PMM2: variants seen among roughly 807,000 people sequenced by gnomAD.
PMM2 encodes mannose-6-phosphate isomerase.
PMM2 carries 35 observed loss-of-function variants against 33.2 expected under a neutral mutation model. The observed-to-expected ratio is 1.06, with a 90% CI of 0.81 to 1.40. The LOEUF (loss-of-function observed/expected upper bound fraction) is 1.40, where lower values mean the gene tolerates loss of function less well. Among genes scored for constraint, PMM2 ranks in the 40% most tolerant of loss-of-function variants. The pLI is 0.00. For synonymous variants in PMM2, 153 were observed against 114.7 expected (o/e 1.33, Z -2.13); for missense variants, 386 against 306.0 (o/e 1.26, Z -1.95).
intron 6 of PMM2, among the ~76,000 whole-genome samples, chr16:8,812,556 T>C (rs1187345115): frequency 6.6e-6 from 1 of 152,220 alleles, no homozygotes; most frequent in Non-Finnish European, 1.5e-5. Context: ...GCACTGCCTG[T>C]AAATCACCTT....
intron 7 of PMM2, among the ~76,000 whole-genome samples, chr16:8,846,426 C>T (rs2060925884): frequency 6.6e-6 from 1 of 151,930 alleles, no homozygotes; most frequent in Non-Finnish European, 1.5e-5. Flanking sequence ...AGTGATTATC[C>T]AATTTTATGA....
At chr16:8,826,343 C>A (rs186069009) in intron 7 of PMM2, among the ~76,000 whole-genome samples, 1 of 152,104 alleles carries the variant, frequency 6.6e-6, no homozygotes, top group East Asian at 1.9e-4. Context: ...TAATTACATA[C>A]CAAGTGCAGA....
chr16:8,844,717 G>A (rs970727358), intron 7 of PMM2, among the ~76,000 whole-genome samples: 7 of 152,286 alleles, frequency 4.6e-5, no homozygotes, highest in Admixed American at 2.6e-4. Context: ...GACCGGCGCC[G>A]GTTTTTTGGG....
intron 2 of PMM2, among the ~76,000 whole-genome samples, chr16:8,802,848 A>T (rs757021073): frequency 6.9e-6 from 1 of 144,088 alleles, no homozygotes; most frequent in Non-Finnish European, 1.5e-5. Flanking sequence ...AAAAAAAATT[A>T]TAAGTGGAGA....
intron 6 of PMM2, 36 bp downstream of exon 6, chr16:8,811,749 A>G (rs752313167): frequency 7.1e-7 from 1 of 1,407,292 alleles, no homozygotes; most frequent in East Asian, 2.3e-5. Flanking sequence ...AAACTTGGAT[A>G]CCCATTTCCC....
intron 4 of PMM2, chr16:8,807,989 T>G (rs140572749): frequency 2.0e-5 from 3 of 152,322 alleles, no homozygotes; most frequent in African/African-American, 7.2e-5. Flanking sequence ...TTCTTTGAAA[T>G]CCTTCTCATT....
At chr16:8,809,168 CAT>C (rs1204302592) in intron 4 of PMM2, 1 of 152,200 alleles carries the variant, frequency 6.6e-6, no homozygotes, top group Non-Finnish European at 1.5e-5. Flanking sequence ...GCCACACTGA[CAT>C]GGAATCAGGT....
chr16:8,834,146 G>A (rs2060828670), intron 7 of PMM2, among the ~76,000 whole-genome samples: 1 of 152,216 alleles, frequency 6.6e-6, no homozygotes, highest in East Asian at 1.9e-4. Context: ...AGCATTCTGA[G>A]GACAGGCCTG....
At position 8,811,149 on chromosome 16, in the gene PMM2, G is replaced by C; in HGVS notation, c.418G>C (p.Glu140Gln). 2 of 1,574,444 alleles carry C rather than the reference G, an allele frequency of 1.3e-6. No homozygotes were observed. The highest frequency in any genetic ancestry group is 1.7e-6 in the Non-Finnish European group (2 of 1,155,718). The change falls in exon 5 of 8, where the codon GAA (glutamate) becomes CAA (glutamine). Residue 140 changes from glutamate (E) to glutamine (Q), a missense_variant. Transcript: ENST00000268261. ...TATTGGAAGAAGCTGCAGCCAAGAA[G>C]AACGCATTGAGTTCTACGAACTCGA... is the stretch of plus-strand genomic sequence containing the variant. ...SPIGRSCSQE[E>Q]RIEFYELDKK... is the part of the protein sequence containing the mutation.
intron 1 of PMM2, among the ~76,000 whole-genome samples, chr16:8,801,324 A>G (rs2060615120): frequency 6.6e-6 from 1 of 152,224 alleles, no homozygotes; most frequent in Non-Finnish European, 1.5e-5. Flanking sequence ...ATGCCCCCCC[A>G]GTTACAACTA....
At position 8,849,137 on chromosome 16, in the gene PMM2, T is replaced by G. The variant is rs905795044; in HGVS notation, c.*1312T>G. 2 of 152,328 alleles carry G rather than the reference T, an allele frequency of 1.3e-5. No individual in the cohort carries two copies. The highest frequency in any genetic ancestry group is 2.9e-5 in the Non-Finnish European group (2 of 68,068). The allele number at this position is 152,328 out of a possible 1,614,324, so 9.4% of individuals were successfully genotyped here. On this transcript the variant is annotated 3_prime_UTR_variant, in exon 8 of 8. Coordinates refer to ENST00000268261, the MANE Select transcript of PMM2 (RefSeq NM_000303.3). ...CAGGTGCTTTCATCACAGCTAAACCTGGTTCCCTCCAAACCTCCCAGCCAC... is the reference window on the plus strand; with the variant it reads ...CAGGTGCTTTCATCACAGCTAAACCGGGTTCCCTCCAAACCTCCCAGCCAC...
intron 6 of PMM2, among the ~76,000 whole-genome samples, chr16:8,812,239 C>G (rs2060682046): frequency 6.6e-6 from 1 of 152,228 alleles, no homozygotes; most frequent in Non-Finnish European, 1.5e-5. Context: ...GTTGTTTACA[C>G]AGCCAGTGTG....
intron 7 of PMM2, among the ~76,000 whole-genome samples, chr16:8,827,748 A>ATATATATATATATGCACACATT (rs1567164646): frequency 2.2e-4 from 11 of 48,926 alleles, no homozygotes; most frequent in African/African-American, 7.5e-4. Flanking sequence ...ATATATATAT[A>ATATATATATATATGCACACATT]TATATATATA....
chr16:8,844,214 T>G (rs2060908797), intron 7 of PMM2, among the ~76,000 whole-genome samples: 1 of 151,842 alleles, frequency 6.6e-6, no homozygotes, highest in African/African-American at 2.4e-5. Flanking sequence ...CAGGTATGAG[T>G]TGAAGAGGTT....
Position 8,847,921 on chromosome 16 carries a change from G to A in PMM2, c.*96G>A. The A allele has an allele frequency of 1.7e-5, 15 of 859,394 alleles. No homozygotes were observed. The highest frequency in any genetic ancestry group is 1.4e-4 in the Admixed American group (7 of 51,730). The allele number at this position is 859,394 out of a possible 1,614,324, so 53.2% of individuals were successfully genotyped here. ...TCCTCCCACACGTGCTCACCCACCC[G>A]CAGCCTAGGCAGGCTCTGCATGCTA... On this transcript the variant is annotated 3_prime_UTR_variant, in exon 8 of 8. Transcript: ENST00000268261.
At chr16:8,826,983 A>G (rs1596496484) in intron 7 of PMM2, among the ~76,000 whole-genome samples, 1 of 152,272 alleles carries the variant, frequency 6.6e-6, no homozygotes, top group East Asian at 1.9e-4. Flanking sequence ...ATCCTTACCA[A>G]AAATACATCT....
intron 7 of PMM2, among the ~76,000 whole-genome samples, chr16:8,843,268 G>A (rs2060902113): frequency 3.3e-5 from 5 of 152,090 alleles, no homozygotes. Flanking sequence ...AACAGTGGGT[G>A]GACTTACCCT....
chr16:8,813,472 C>T (rs1304536940), intron 7 of PMM2, among the ~76,000 whole-genome samples: 2 of 152,098 alleles, frequency 1.3e-5, no homozygotes, highest in South Asian at 2.1e-4. Context: ...TTTGTCCACC[C>T]GAGGCATTCA....
rs867971125 is a variant in PMM2 at position 8,798,038 on chromosome 16, G to T, written c.66+90G>T. 3.0e-6 allele frequency: 4 copies of T among 1,330,472 alleles called. No individual in the cohort carries two copies. The South Asian group carries it at 3.8e-5, about 13-fold the overall frequency. The allele number at this position is 1,330,472 out of a possible 1,614,324, so 82.4% of individuals were successfully genotyped here. A position where few individuals can be genotyped will look rare whatever the true frequency, so the allele number is the denominator to read the frequency against. On this transcript the variant is annotated intron_variant, in intron 1 of 7. Transcript: ENST00000268261. ...ATCGACCACCCAGGGTAGGCGCCAA[G>T]GGGTGGCTAAGGACCGCCTACGTCC... is the stretch of plus-strand genomic sequence containing the variant.
Sources: allele counts gnomAD v4.1 joint callset (sites outside exome capture counted in the v4.1 genomes callset), GRCh38; gene constraint gnomAD v4.1.1; transcripts MANE v1.5; gene names NCBI Gene and HGNC (gene_info 2026-07-23, HGNC 2026-07-21).